LAMB1: variants seen among roughly 807,000 people sequenced by gnomAD.
LAMB1 encodes the protein laminin subunit beta-1.
A neutral mutation model predicts 222.3 loss-of-function variants in LAMB1; 121 were observed. The observed-to-expected ratio is 0.54, with a 90% CI of 0.47 to 0.63. LAMB1 has a LOEUF of 0.63. Among genes scored for constraint, LAMB1 ranks in the 30% least tolerant of loss-of-function variants. The pLI, the probability that LAMB1 is intolerant of heterozygous loss-of-function variation, is 0.00. For missense variants in LAMB1, 2,172 were observed against 2,240.8 expected (o/e 0.97, Z 0.62); for synonymous variants, 794 against 807.2 (o/e 0.98, Z 0.28).
At chr7:107,995,027 G>A in intron 4 of LAMB1, 67 bp from the exon 5 acceptor site, 1 of 836,268 alleles carries the variant, frequency 1.2e-6, no homozygotes, top group South Asian at 1.6e-5. Context: ...GTGAATAGTT[G>A]AGACTATTTT....
intron 28 of LAMB1, chr7:107,931,871 T>C: frequency 2.0e-6 from 1 of 512,358 alleles, no homozygotes; most frequent in Non-Finnish European, 3.5e-6. Context: ...GTCATACAGC[T>C]GGATGTATTT....
At position 107,975,832 on chromosome 7, in the gene LAMB1, G is replaced by C. The variant is rs747690796; in HGVS notation, c.1046C>G (p.Ala349Gly). 42 of 1,614,084 alleles carry C rather than the reference G, an allele frequency of 2.6e-5. No individual in the cohort carries two copies. The highest frequency in any genetic ancestry group is 3.6e-5 in the Non-Finnish European group (42 of 1,179,996). Residue 349 changes from alanine (A) to glycine (G), a missense_variant, in exon 10 of 34, where the codon GCT becomes GGT. By Grantham distance (60) the Ala-to-Gly change is moderately conservative. Transcript: ENST00000222399. ...GACGTTCCCCGTGGCCAGGTAAACAGCCATGTCAAAGTGACAAGAGATGGA... is the reference window on the plus strand; with the variant it reads ...GACGTTCCCCGTGGCCAGGTAAACACCCATGTCAAAGTGACAAGAGATGGA... ...EHSISCHFDM[A>G]VYLATGNVSG...
At position 107,973,086 on chromosome 7, in the gene LAMB1, G is replaced by C. The variant is rs756601330; in HGVS notation, c.1483-15C>G. 1 of 1,606,914 alleles carries C rather than the reference G, an allele frequency of 6.2e-7. No individual in the cohort carries two copies. Among genetic ancestry groups the C allele is most frequent in the Non-Finnish European group, 8.5e-7 (1 of 1,173,622 alleles). Reference sequence around the variant, plus strand: ...CAGTGCTCTGGCTGCAGAACAAAACGTGAAACATGTAACGGTAGGTTTCTG... The same window carrying C: ...CAGTGCTCTGGCTGCAGAACAAAACCTGAAACATGTAACGGTAGGTTTCTG... On this transcript the variant is annotated splice_polypyrimidine_tract_variant and intron_variant, in intron 12 of 33. Coordinates refer to ENST00000222399, the MANE Select transcript of LAMB1 (RefSeq NM_002291.3).
chr7:107,929,777 T>C, intron 29 of LAMB1, 158 bp from the exon 30 acceptor site: 1 of 595,382 alleles, frequency 1.7e-6, no homozygotes, highest in South Asian at 2.2e-5. Context: ...TCTGGGATTT[T>C]GAGGGGAGAT....
intron 8 of LAMB1, among the ~76,000 whole-genome samples, chr7:107,979,487 C>G (rs767614869): frequency 2.0e-5 from 3 of 152,110 alleles, no homozygotes; most frequent in Non-Finnish European, 4.4e-5. Flanking sequence ...TTACTTAGGG[C>G]TCTCTAGTAA....
At chr7:107,939,444 C>CT (rs1246321799) in intron 25 of LAMB1, among the ~76,000 whole-genome samples, 14 of 152,274 alleles carry the variant, frequency 9.2e-5, no homozygotes, top group South Asian at 2.1e-4. Context: ...GCAGAAAAAA[C>CT]TTGAAGTAAG....
intron 2 of LAMB1, chr7:108,002,079 G>A (rs939311503): frequency 4.1e-6 from 6 of 1,465,158 alleles, no homozygotes; most frequent in Non-Finnish European, 4.5e-6. Flanking sequence ...CCACTTCGAC[G>A]TGTCCGGAGC....
Position 107,932,374 on chromosome 7 carries a change from A to G in LAMB1, c.4192T>C (p.Cys1398Arg). The G allele has an allele frequency of 6.2e-7, 1 of 1,614,190 alleles. No individual in the cohort carries two copies. Among genetic ancestry groups the G allele is most frequent in the Non-Finnish European group, 8.5e-7 (1 of 1,180,006 alleles). Reference sequence around the variant, plus strand: ...CAGGAGGCCCCTGGGGGTGTTCCACAGGTCTGCAACAAGCCAAGGATCAGG... The same window carrying G: ...CAGGAGGCCCCTGGGGGTGTTCCACGGGTCTGCAACAAGCCAAGGATCAGG... ...LDLSAAAEMT[C>R]GTPPGASCSE... Residue 1398 changes from cysteine to arginine, a missense_variant, in exon 28 of 34, where the codon TGT becomes CGT. Physicochemically the swap from Cys to Arg is radical, Grantham distance 180. Transcript: ENST00000222399.
At position 107,935,484 on chromosome 7, in the gene LAMB1, C is replaced by G. The variant is rs747010907; in HGVS notation, c.4119G>C (p.Glu1373Asp). ...CCAGTTCATCAAGGAGGCGAGCCTG[C>G]TCCTCTTGTTTTTCCTTGAACTGGG... ...RESQFKEKQEEQARLLDELAG... is the reference protein window; with the variant it reads ...RESQFKEKQEDQARLLDELAG... Residue 1373 changes from glutamate (E) to aspartate (D), a missense_variant, in exon 27 of 34, where the codon GAG becomes GAC. Coordinates refer to ENST00000222399, the MANE Select transcript of LAMB1 (RefSeq NM_002291.3). 5.6e-6 allele frequency: 9 copies of G among 1,613,222 alleles called. No individual in the cohort carries two copies. The highest frequency in any genetic ancestry group is 6.8e-6 in the Non-Finnish European group (8 of 1,179,886).
At chr7:107,993,154 G>C (rs894641202) in intron 5 of LAMB1, among the ~76,000 whole-genome samples, 3 of 152,044 alleles carry the variant, frequency 2.0e-5, no homozygotes, top group African/African-American at 7.2e-5. Context: ...TTTTTCTCGA[G>C]ACAGGGTCTC....
At chr7:107,962,360 G>A (rs144122873) in intron 15 of LAMB1, among the ~76,000 whole-genome samples, 7 of 152,310 alleles carry the variant, frequency 4.6e-5, no homozygotes, top group Admixed American at 3.3e-4. Context: ...CACCTCAGTC[G>A]TCAGCAAGGT....
chr7:107,977,993 A>C, intron 9 of LAMB1, 54 bp downstream of exon 9: 1 of 1,606,634 alleles, frequency 6.2e-7, no homozygotes, highest in Middle Eastern at 1.7e-4. Flanking sequence ...TCTAATTAGG[A>C]AATGGATACT....
chr7:107,964,537 C>T lies in LAMB1; in HGVS notation c.1698+15G>A, dbSNP rs1391040357. 6.2e-7 allele frequency: 1 copy of T among 1,614,108 alleles called. No homozygotes were observed. The highest frequency in any genetic ancestry group is 8.5e-7 in the Non-Finnish European group (1 of 1,179,962). On this transcript the variant is annotated intron_variant, in intron 14 of 33. Transcript: ENST00000222399. ...AACACTGCTTTACCGACCTGCCACACACTCCCCTACTCACAGGCCCCAAGT... is the reference window on the plus strand; with the variant it reads ...AACACTGCTTTACCGACCTGCCACATACTCCCCTACTCACAGGCCCCAAGT...
At chr7:107,963,167 C>T (rs1204997740) in intron 14 of LAMB1, 104 bp from the exon 15 acceptor site, 4 of 1,076,750 alleles carry the variant, frequency 3.7e-6, no homozygotes, top group African/African-American at 1.6e-5. Context: ...AAAAGGGTGG[C>T]TACCTTATGT....
chr7:107,935,495 T>C lies in LAMB1; in HGVS notation c.4108A>G (p.Lys1370Glu). ...MMERESQFKE[K>E]QEEQARLLDE... ...AGGAGGCGAGCCTGCTCCTCTTGTTTTTCCTTGAACTGGGATTCTCGCTCC... is the reference window on the plus strand; with the variant it reads ...AGGAGGCGAGCCTGCTCCTCTTGTTCTTCCTTGAACTGGGATTCTCGCTCC... The change falls in exon 27 of 34, where the codon AAA (lysine) becomes GAA (glutamate). Residue 1370 changes from lysine to glutamate, a missense_variant. Lys to Glu is a moderately conservative substitution (Grantham distance 56). Transcript: ENST00000222399. 2 of 1,613,952 alleles carry C rather than the reference T, an allele frequency of 1.2e-6. No homozygotes were observed. The highest frequency in any genetic ancestry group is 4.5e-5 in the East Asian group (2 of 44,866).
At chr7:107,983,272 T>A (rs572103997) in intron 7 of LAMB1, among the ~76,000 whole-genome samples, 1 of 152,198 alleles carries the variant, frequency 6.6e-6, no homozygotes, top group Middle Eastern at 3.4e-3. Flanking sequence ...AGCTTGGAAG[T>A]TTTTTGGGGC....
At chr7:108,002,462 G>T in intron 2 of LAMB1, 3 of 1,274,508 alleles carry the variant, frequency 2.4e-6, no homozygotes, top group African/African-American at 1.5e-5. Flanking sequence ...TGAAGCCTCC[G>T]CTCAGCTCAG....
chr7:107,941,652 C>T (rs1365559956), intron 24 of LAMB1, among the ~76,000 whole-genome samples: 1 of 107,702 alleles, frequency 9.3e-6, no homozygotes, highest in African/African-American at 3.6e-5. Flanking sequence ...CATGCTTTCT[C>T]GGATTTTTTT....
chr7:107,975,903 A>G (rs1369427015), intron 9 of LAMB1, 26 bp from the exon 10 acceptor site: 6 of 1,602,082 alleles, frequency 3.7e-6, no homozygotes, highest in Non-Finnish European at 5.1e-6. Flanking sequence ...AACGTCAAGA[A>G]AAGCTTTTTA....
Sources: gnomAD v4.1 joint callset for allele counts (sites outside exome capture counted in the v4.1 genomes callset) on GRCh38, gnomAD v4.1.1 for gene constraint, MANE v1.5 for transcripts, NCBI Gene and HGNC (gene_info 2026-07-23, HGNC 2026-07-21) for gene names.